Variants in MATN4 observed in about 807,000 individuals in gnomAD.
MATN4 encodes the protein matrilin-4.
Under a neutral mutation model 54.6 loss-of-function variants are expected in MATN4, and 40 were observed. That is an observed-to-expected ratio of 0.73 (90% CI 0.57 to 0.95). MATN4 has a LOEUF of 0.95. Among genes scored for constraint, MATN4 ranks in the 40% least tolerant of loss-of-function variants. The pLI, the probability that MATN4 is intolerant of heterozygous loss-of-function variation, is 0.00. For missense variants in MATN4, 810 were observed against 819.1 expected, an observed-to-expected ratio of 0.99 and a Z score of 0.13; for synonymous variants, 351 against 345.3, an observed-to-expected ratio of 1.02 and a Z score of -0.18.
At chr20:45,305,472 C>T (rs1334485256) in intron 2 of MATN4, 38 bp downstream of exon 2, 2 of 1,512,362 alleles carry the variant, frequency 1.3e-6, no homozygotes, top group Non-Finnish European at 1.8e-6. Context: ...TGCTTCCGCT[C>T]CCCTCCTCCC....
At chr20:45,303,654 T>A (rs936167693) in intron 3 of MATN4, 81 of 596,052 alleles carry the variant, frequency 1.4e-4, no homozygotes, top group Middle Eastern at 1.4e-3. Context: ...AGAAGGGCCG[T>A]ACCAAGTGAG....
rs1012757907 is a variant in MATN4 at position 45,298,198 on chromosome 20, C to T, written c.1398G>A (p.Ser466=). 1 of 1,601,078 alleles carries T rather than the reference C, an allele frequency of 6.2e-7. No homozygotes were observed. ...FTDGRSQDDI[S]VWAARAKEEG... ...CCTCCTTGGCGCGCGCTGCCCACAC[C>T]GAGATGTCATCCTGGGAGCGGCCAT... The change falls in exon 7 of 10, where the codon TCG becomes TCA. Residue 466 remains serine (S), a synonymous_variant. Transcript: ENST00000372756. This position sits in a 1 kb window ranked among gnomAD's most constrained non-coding sequence, Gnocchi z 4.6.
In MATN4 at chr20:45,298,125, G is replaced by A; in HGVS notation, c.1426+45C>T. ...CAGGCCTCGGGAAAGCTGCCTCCCAGCGTCTGACCCAACCCCAGCCCACTG... is the reference window on the plus strand; with the variant it reads ...CAGGCCTCGGGAAAGCTGCCTCCCAACGTCTGACCCAACCCCAGCCCACTG... On this transcript the variant is annotated intron_variant, in intron 7 of 9. Coordinates refer to ENST00000372756, the MANE Select transcript of MATN4 (RefSeq NM_001393530.1). This position sits in a 1 kb window ranked among gnomAD's most constrained non-coding sequence, Gnocchi z 4.6. The A allele has an allele frequency of 6.2e-7, 1 of 1,602,602 alleles. No homozygotes were observed.
At chr20:45,305,451 G>T in intron 2 of MATN4, 59 bp downstream of exon 2, 2 of 1,354,314 alleles carry the variant, frequency 1.5e-6, no homozygotes, top group Non-Finnish European at 2.1e-6. Flanking sequence ...GCTGGCTGCA[G>T]AGGGAGGACC....
Position 45,297,934 on chromosome 20 carries a change from T to G in MATN4, c.1563A>C (p.Arg521Ser). The change falls in exon 8 of 10, where the codon AGA becomes AGC. Residue 521 changes from arginine to serine, a missense_variant. By Grantham distance (110) the Arg-to-Ser change is moderately radical (BLOSUM62 -1). Coordinates refer to ENST00000372756, the MANE Select transcript of MATN4 (RefSeq NM_001393530.1). ...GTMTHLLENL[R>S]GSICPEEGIS... Reference sequence around the variant, plus strand: ...TGCGCTCACCTGGACAGATGCTGCCTCTGAGGTTCTCCAGCAGGTGCGTCA... The same window carrying G: ...TGCGCTCACCTGGACAGATGCTGCCGCTGAGGTTCTCCAGCAGGTGCGTCA... 2 of 1,614,142 alleles carry G rather than the reference T, an allele frequency of 1.2e-6. No individual in the cohort carries two copies. Among genetic ancestry groups the G allele is most frequent in the Non-Finnish European group, 1.7e-6 (2 of 1,180,028 alleles).
chr20:45,304,103 G>A (rs1330662224), intron 3 of MATN4, 125 bp downstream of exon 3: 4 of 788,850 alleles, frequency 5.1e-6, no homozygotes, highest in Non-Finnish European at 7.6e-6. Flanking sequence ...CCTGCGGTAG[G>A]TCAGGGCAAC....
intron 2 of MATN4, 60 bp downstream of exon 2, chr20:45,305,450 A>G: frequency 7.5e-7 from 1 of 1,338,436 alleles, no homozygotes; most frequent in Non-Finnish European, 1.0e-6. Flanking sequence ...AGCTGGCTGC[A>G]GAGGGAGGAC....
Position 45,301,422 on chromosome 20 carries a change from C to T in MATN4, c.665G>A (p.Gly222Glu), listed in dbSNP as rs138656425. The T allele has an allele frequency of 1.7e-5, 27 of 1,613,894 alleles. No homozygotes were observed. In the East Asian group the frequency reaches 6.0e-4, roughly 36 times the overall value. ...RLCAIDLCAE[G>E]THGCEHHCVN... ...GCAGTGGTGCTCACATCCATGGGTC[C>T]CTTCAGCACACAGATCAATGGCTGA... Residue 222 changes from glycine to glutamate, a missense_variant, in exon 4 of 10, where the codon GGG (glycine) becomes GAG (glutamate). By Grantham distance (98) the Gly-to-Glu change is moderately conservative. Coordinates refer to ENST00000372756, the MANE Select transcript of MATN4 (RefSeq NM_001393530.1).
intron 3 of MATN4, among the ~76,000 whole-genome samples, chr20:45,303,927 G>A (rs756358930): frequency 6.6e-6 from 1 of 152,232 alleles, no homozygotes; most frequent in Non-Finnish European, 1.5e-5. Context: ...TGGAGCAGCC[G>A]ATCCCTCTTA....
chr20:45,298,459 G>C lies in MATN4; in HGVS notation c.1137C>G (p.Pro379=), dbSNP rs567950909. The change falls in exon 7 of 10, where the codon CCC becomes CCG. Residue 379 remains proline (P), a synonymous_variant. Transcript: ENST00000372756. This position sits in a 1 kb window ranked among gnomAD's most constrained non-coding sequence, Gnocchi z 4.6. ...NQIVDFLDVS[P]EGTRVGLVQF... is the part of the protein sequence containing the mutation. ...GCACCAGCCCCACCCGCGTGCCCTC[G>C]GGGGACACATCTAGGAAGTCCACAA... 1 of 1,613,636 alleles carries C rather than the reference G, an allele frequency of 6.2e-7. No homozygotes were observed. Among genetic ancestry groups the C allele is most frequent in the East Asian group, 2.2e-5 (1 of 44,886 alleles).
rs369700132 is a variant in MATN4 at position 45,306,016 on chromosome 20, G to A, written c.-34-400C>T. On this transcript the variant is annotated intron_variant, in intron 1 of 9. Coordinates refer to ENST00000372756, the MANE Select transcript of MATN4 (RefSeq NM_001393530.1). ...GAGCGGGTTTTGCCATGTTGGTCAG[G>A]CTGGTCTCAAACTCCTGACCTCAGG... is the stretch of plus-strand genomic sequence containing the variant. Among the ~76,000 whole-genome samples, 3 of 151,762 alleles carry A rather than the reference G, an allele frequency of 2.0e-5. No individual in the cohort carries two copies. In the East Asian group the frequency reaches 5.8e-4, roughly 29 times the overall value.
chr20:45,296,787 G>A (rs11086958), intron 8 of MATN4, among the ~76,000 whole-genome samples: 39,941 of 151,846 alleles, frequency 0.26, 5,492 homozygotes, highest in Admixed American at 0.33. Context: ...ATATTTGTAT[G>A]TGTATATACA....
intron 1 of MATN4, 67 bp from the exon 2 acceptor site, chr20:45,305,683 C>G (rs564294386): frequency 8.4e-6 from 6 of 714,036 alleles, no homozygotes; most frequent in African/African-American, 3.6e-5. Context: ...GTGATAGGCA[C>G]TTGGAGGGGG....
chr20:45,296,664 T>C (rs2145642348), intron 8 of MATN4, among the ~76,000 whole-genome samples: 1 of 151,978 alleles, frequency 6.6e-6, no homozygotes, highest in South Asian at 2.1e-4. Flanking sequence ...GCAGGGCCCA[T>C]AAGAGTCACA....
Position 45,298,105 on chromosome 20 carries a change from C to T in MATN4, c.1427-35G>A. On this transcript the variant is annotated intron_variant, in intron 7 of 9. Transcript: ENST00000372756. This position sits in a 1 kb window ranked among gnomAD's most constrained non-coding sequence, Gnocchi z 4.6. ...CGGGGTCTCAGAGGGTGCCCCAGGC[C>T]TCGGGAAAGCTGCCTCCCAGCGTCT... The T allele has an allele frequency of 6.2e-7, 1 of 1,604,494 alleles. No individual in the cohort carries two copies. The highest frequency in any genetic ancestry group is 8.5e-7 in the Non-Finnish European group (1 of 1,173,136).
chr20:45,308,431 C>T (rs1322041668), upstream of MATN4: 3 of 587,192 alleles, frequency 5.1e-6, no homozygotes, highest in Non-Finnish European at 9.2e-6. Flanking sequence ...CCCAGCACCC[C>T]CTGCTCCTAC....
intron 8 of MATN4, among the ~76,000 whole-genome samples, chr20:45,295,970 CTT>C (rs900308342): frequency 6.6e-6 from 1 of 151,960 alleles, no homozygotes; most frequent in African/African-American, 2.4e-5. Flanking sequence ...AATCCCAGCA[CTT>C]TGGGAGGCTG....
chr20:45,298,760 A>T lies in MATN4; in HGVS notation c.1013-177T>A, dbSNP rs899180747. The stretch of plus-strand genomic sequence containing the variant: ...AATTATCACCATCATCATCACCATC[A>T]CCATCATCATCACCCTCATCATCGC... On this transcript the variant is annotated intron_variant, in intron 6 of 9. Transcript: ENST00000372756. The surrounding 1 kb of genome is among the most constrained non-coding windows in gnomAD (Gnocchi z 4.6). Among the ~76,000 whole-genome samples, 1 of 152,094 alleles carries T rather than the reference A, an allele frequency of 6.6e-6. No homozygotes were observed. Among genetic ancestry groups the T allele is most frequent in the Non-Finnish European group, 1.5e-5 (1 of 68,026 alleles).
intron 3 of MATN4, among the ~76,000 whole-genome samples, chr20:45,303,082 C>CA (rs79635257): frequency 0.056 from 4,616 of 82,490 alleles, 162 homozygotes; most frequent in East Asian, 0.14. Context: ...GACTCTGTCT[C>CA]AAAAAAAAAA....
Sources: allele counts gnomAD v4.1 joint callset (sites outside exome capture counted in the v4.1 genomes callset), GRCh38; gene constraint gnomAD v4.1.1; non-coding constraint Gnocchi (gnomAD v3.1); transcripts MANE v1.5; gene names NCBI Gene and HGNC (gene_info 2026-07-23, HGNC 2026-07-21).